The following ABCB5 variants were observed in gnomAD, a reference collection of about 807,000 sequenced individuals.
The protein encoded by ABCB5 is ATP binding cassette subfamily B member 5, also known as ATP-binding cassette sub-family B member 5.
ABCB5 carries 155 observed loss-of-function variants against 144.2 expected under a neutral mutation model. The observed-to-expected ratio is 1.08, with a 90% CI of 0.94 to 1.23. ABCB5 has a LOEUF of 1.23. Ranked by LOEUF, ABCB5 falls within the 50% of genes most tolerant of loss-of-function variation. The pLI, the probability that ABCB5 is intolerant of heterozygous loss-of-function variation, is 0.00. For missense variants in ABCB5, 1,830 were observed against 1,520.8 expected, an observed-to-expected ratio of 1.20 and a Z score of -3.38; for synonymous variants, 610 against 528.6, an observed-to-expected ratio of 1.15 and a Z score of -2.11.
chr7:20,707,806 T>C (rs113500495), intron 20 of ABCB5, among the ~76,000 whole-genome samples: 13 of 131,148 alleles, frequency 9.9e-5, no homozygotes, highest in Non-Finnish European at 1.8e-4. Context: ...CATTTCTTTT[T>C]TTTTTTTTTT....
chr7:20,633,247 TAAACAG>T (rs1164270670), intron 5 of ABCB5, among the ~76,000 whole-genome samples: 5 of 152,222 alleles, frequency 3.3e-5, no homozygotes, highest in African/African-American at 9.6e-5. Flanking sequence ...TTTTAGGTAT[TAAACAG>T]TGTGATTTAT....
intron 24 of ABCB5, among the ~76,000 whole-genome samples, chr7:20,742,152 T>C (rs1258839103): frequency 6.6e-6 from 1 of 152,116 alleles, no homozygotes; most frequent in African/African-American, 2.4e-5. Context: ...GGTGGGCAGA[T>C]TGCTTGAGTC....
In ABCB5 at chr7:20,623,246, T is replaced by A. The variant is rs1316272410; in HGVS notation, c.-21-19T>A. ...AAAAGTCACATAGCCATAATACATTTGTTAAAATTGTATTTCAGAAGAAGT... is the reference window on the plus strand; with the variant it reads ...AAAAGTCACATAGCCATAATACATTAGTTAAAATTGTATTTCAGAAGAAGT... On this transcript the variant is annotated intron_variant, in intron 1 of 27. Transcript: ENST00000404938. 1 of 1,369,914 alleles carries A rather than the reference T, an allele frequency of 7.3e-7. No homozygotes were observed. Among genetic ancestry groups the A allele is most frequent in the South Asian group, 1.2e-5 (1 of 80,242 alleles). 84.9% of individuals were successfully genotyped at this position (1,369,914 alleles called of 1,614,324 possible). A position where few individuals can be genotyped will look rare whatever the true frequency, so the allele number is the denominator to read the frequency against.
intron 26 of ABCB5, among the ~76,000 whole-genome samples, chr7:20,745,721 A>T (rs931911963): frequency 6.6e-6 from 1 of 151,938 alleles, no homozygotes; most frequent in Non-Finnish European, 1.5e-5. Context: ...CCACACTATG[A>T]CCTCCCCGCC....
rs1007052113 is a variant in ABCB5 at position 20,643,700 on chromosome 7, G to T, written c.678+68G>T. On this transcript the variant is annotated intron_variant, in intron 7 of 27. Coordinates refer to ENST00000404938, the MANE Select transcript of ABCB5 (RefSeq NM_001163941.2). Reference sequence around the variant, plus strand: ...GTGGACTAAATGACTCACTGAGTTTGTTCAAAAATGGCTTTTCTATTCACT... The same window carrying T: ...GTGGACTAAATGACTCACTGAGTTTTTTCAAAAATGGCTTTTCTATTCACT... The T allele has an allele frequency of 5.8e-6, 9 of 1,551,354 alleles. No individual in the cohort carries two copies. The Admixed American group carries it at 1.1e-4, about 20-fold the overall frequency.
chr7:20,686,107 A>G (rs570697970), intron 16 of ABCB5, among the ~76,000 whole-genome samples: 4 of 152,288 alleles, frequency 2.6e-5, no homozygotes, highest in African/African-American at 9.6e-5. Context: ...GAAGCAAACC[A>G]TAGGTTAAAA....
chr7:20,658,657 T>C lies in ABCB5; in HGVS notation c.1688T>C (p.Val563Ala). The C allele has an allele frequency of 6.2e-7, 1 of 1,614,142 alleles. No homozygotes were observed. Among genetic ancestry groups the C allele is most frequent in the South Asian group, 1.1e-5 (1 of 91,070 alleles). The change falls in exon 14 of 28, where the codon GTT (valine) becomes GCT (alanine). Residue 563 changes from valine to alanine, a missense_variant. Coordinates refer to ENST00000404938, the MANE Select transcript of ABCB5 (RefSeq NM_001163941.2). Reference protein sequence around the residue: ...SALDSESKSAVQAALEKASKG... With the variant: ...SALDSESKSAAQAALEKASKG... ...CTGGATTCAGAAAGCAAGTCAGCTGTTCAAGCTGCACTGGAGAAGGTAAGT... is the reference window on the plus strand; with the variant it reads ...CTGGATTCAGAAAGCAAGTCAGCTGCTCAAGCTGCACTGGAGAAGGTAAGT...
rs199933085 is a variant in ABCB5, at chr7:20,627,719, G to GA, written c.109-960dup. On this transcript the variant is annotated intron_variant, in intron 3 of 27. Transcript: ENST00000404938. ...TACAGGATAGGCATTGTTCTGTGTA[G>GA]AAAAAAAAATCTAAGGAATTTAAAA... 1.4e-3 allele frequency among the ~76,000 whole-genome samples: 218 copies of GA among 150,570 alleles called. 1 individual carries two copies. The highest frequency in any genetic ancestry group is 4.9e-3 in the African/African-American group (203 of 41,082).
intron 16 of ABCB5, among the ~76,000 whole-genome samples, chr7:20,690,276 A>G (rs182946331): frequency 8.6e-4 from 131 of 152,372 alleles, no homozygotes; most frequent in Non-Finnish European, 1.6e-3. Flanking sequence ...GCCCTTATAG[A>G]TAATTTACAA....
chr7:20,713,556 A>C (rs1341285781), intron 20 of ABCB5, among the ~76,000 whole-genome samples: 1 of 149,752 alleles, frequency 6.7e-6, no homozygotes, highest in Non-Finnish European at 1.5e-5. Context: ...TTCTGACTGG[A>C]TGCTACACAT....
chr7:20,677,712 G>C (rs1011030130), intron 14 of ABCB5, among the ~76,000 whole-genome samples: 5 of 152,172 alleles, frequency 3.3e-5, no homozygotes, highest in African/African-American at 1.2e-4. Flanking sequence ...CTGTGTGACA[G>C]AGCGAGACTC....
intron 26 of ABCB5, among the ~76,000 whole-genome samples, chr7:20,751,633 A>T (rs920858382): frequency 6.6e-6 from 1 of 152,222 alleles, no homozygotes; most frequent in Non-Finnish European, 1.5e-5. Flanking sequence ...GTACAATTTA[A>T]GCTAGGCTGG....
chr7:20,754,946 T>C (rs572546693), intron 27 of ABCB5, among the ~76,000 whole-genome samples: 3 of 152,224 alleles, frequency 2.0e-5, no homozygotes, highest in South Asian at 2.1e-4. Flanking sequence ...TATCTGTAGC[T>C]AATCTTTCTT....
chr7:20,698,613 A>G, intron 17 of ABCB5, 63 bp downstream of exon 17: 1 of 1,471,124 alleles, frequency 6.8e-7, no homozygotes, highest in East Asian at 2.4e-5. Context: ...TGAGAGAACA[A>G]GCTTGTATCA....
chr7:20,733,814 T>C (rs1020715253), intron 23 of ABCB5, among the ~76,000 whole-genome samples: 1 of 152,062 alleles, frequency 6.6e-6, no homozygotes, highest in Non-Finnish European at 1.5e-5. Context: ...AATTTCTGCA[T>C]GTTTTGGTGG....
At chr7:20,633,420 G>C (rs528578282) in intron 5 of ABCB5, among the ~76,000 whole-genome samples, 14 of 151,832 alleles carry the variant, frequency 9.2e-5, no homozygotes, top group Non-Finnish European at 1.5e-5. Context: ...ATCTTGTCAA[G>C]GGACACCCAT....
intron 5 of ABCB5, 131 bp from the exon 6 acceptor site, chr7:20,643,053 C>T: frequency 1.4e-6 from 1 of 723,686 alleles, no homozygotes. Context: ...ACTCTCATGG[C>T]ATGTTATTTT....
chr7:20,682,637 G>A lies in ABCB5; in HGVS notation c.1869+971G>A, dbSNP rs75853584. Among the ~76,000 whole-genome samples, 1,080 of 152,332 alleles carry A rather than the reference G, an allele frequency of 7.1e-3. 7 individuals carry two copies. The highest frequency in any genetic ancestry group is 0.025 in the African/African-American group (1,036 of 41,570). On this transcript the variant is annotated intron_variant, in intron 15 of 27. Transcript: ENST00000404938. ...AGATCATGGACGTTCTGAGAAGCCA[G>A]GCAGAAGGGTTGAGACTTAACGTAT...
At chr7:20,698,879 T>G (rs187615625) in intron 17 of ABCB5, among the ~76,000 whole-genome samples, 1 of 152,264 alleles carries the variant, frequency 6.6e-6, no homozygotes, top group East Asian at 1.9e-4. Context: ...AATTAGTGGG[T>G]ATAGTTGCAA....
Sources: allele counts gnomAD v4.1 joint callset (sites outside exome capture counted in the v4.1 genomes callset), GRCh38; gene constraint gnomAD v4.1.1; transcripts MANE v1.5; gene names NCBI Gene and HGNC (gene_info 2026-07-23, HGNC 2026-07-21).